NDE1: variants seen among roughly 807,000 people sequenced by gnomAD.
The protein encoded by NDE1 is nuclear distribution protein nudE homolog 1.
Under a neutral mutation model 43.4 loss-of-function variants are expected in NDE1, and 28 were observed. That is an observed-to-expected ratio of 0.65 (90% CI 0.48 to 0.89). The LOEUF (loss-of-function observed/expected upper bound fraction) is 0.89. NDE1 is among the 40% of genes least tolerant of loss of function. The probability of loss-of-function intolerance (pLI) is 0.00; values close to 1 mark genes in which losing one functional copy is unlikely to be tolerated. For missense variants in NDE1, 441 were observed against 434.1 expected, an observed-to-expected ratio of 1.02 and a Z score of -0.14; for synonymous variants, 184 against 172.0, an observed-to-expected ratio of 1.07 and a Z score of -0.55.
intron 5 of NDE1, among the ~76,000 whole-genome samples, chr16:15,690,327 T>G (rs1287021200): frequency 7.0e-6 from 1 of 143,486 alleles, no homozygotes; most frequent in African/African-American, 2.5e-5. Context: ...CTTGAGCCAG[T>G]GCAACTGGCC....
chr16:15,721,124 C>G, intron 8 of NDE1: 1 of 1,529,718 alleles, frequency 6.5e-7, no homozygotes, highest in Non-Finnish European at 9.0e-7. Flanking sequence ...CCACCGTGAG[C>G]GGCACCTCAG....
At chr16:15,695,761 T>C in intron 7 of NDE1, 1 of 952,896 alleles carries the variant, frequency 1.0e-6, no homozygotes, top group African/African-American at 1.8e-5. Context: ...GGCTGTCTGG[T>C]TTGCTATTCT....
intron 6 of NDE1, among the ~76,000 whole-genome samples, chr16:15,693,842 A>G (rs1177982532): frequency 2.6e-5 from 4 of 152,208 alleles, no homozygotes; most frequent in Admixed American, 6.5e-5. Context: ...CAAGAGGCCA[A>G]GGCAGGAGAA....
intron 7 of NDE1, among the ~76,000 whole-genome samples, chr16:15,695,143 C>T (rs2038947954): frequency 6.7e-6 from 1 of 149,624 alleles, no homozygotes; most frequent in Non-Finnish European, 1.5e-5. Context: ...GAGATTCCAA[C>T]ACTGCACTCC....
intron 8 of NDE1, among the ~76,000 whole-genome samples, chr16:15,705,395 G>T (rs1193454464): frequency 6.6e-6 from 1 of 152,186 alleles, no homozygotes; most frequent in East Asian, 1.9e-4. Context: ...TCACAGGAAG[G>T]GCTGGTCACG....
At chr16:15,715,342 G>T in intron 8 of NDE1, 3 of 1,467,484 alleles carry the variant, frequency 2.0e-6, no homozygotes, top group Non-Finnish European at 2.9e-6. Flanking sequence ...GTGTCACCTG[G>T]AGGTGGCATC....
rs1256416094 is a variant in NDE1 at position 15,720,250 on chromosome 16, T to C, written c.948-3941T>C. 1.2e-6 allele frequency: 2 copies of C among 1,614,180 alleles called. No individual in the cohort carries two copies. Among genetic ancestry groups the C allele is most frequent in the Non-Finnish European group, 1.7e-6 (2 of 1,180,022 alleles). ...TCAGGTCCCCTTCCAGCTTCTTCTTTGCTGCAGCTGCCAGGGCACGTTGCT... is the reference window on the plus strand; with the variant it reads ...TCAGGTCCCCTTCCAGCTTCTTCTTCGCTGCAGCTGCCAGGGCACGTTGCT... On this transcript the variant is annotated intron_variant, in intron 8 of 8. Coordinates refer to ENST00000396354, the MANE Select transcript of NDE1 (RefSeq NM_017668.3).
intron 8 of NDE1, among the ~76,000 whole-genome samples, chr16:15,698,759 G>C (rs1321988273): frequency 2.0e-5 from 3 of 151,882 alleles, no homozygotes; most frequent in Admixed American, 2.0e-4. Flanking sequence ...TGCTTGGGTG[G>C]CTGAGGCACA....
rs76890940 is a variant in NDE1, at chr16:15,721,494, G to C, written c.948-2697G>C. 1 of 1,614,198 alleles carries C rather than the reference G, an allele frequency of 6.2e-7. No individual in the cohort carries two copies. Among genetic ancestry groups the C allele is most frequent in the South Asian group, 1.1e-5 (1 of 91,088 alleles). On this transcript the variant is annotated intron_variant, in intron 8 of 8. Transcript: ENST00000396354. ...CTTTGAGCATTTTGTTGGTCCGCTCGAGTTCCTCTTTGGCTTCCAAGGCCT... is the reference window on the plus strand; with the variant it reads ...CTTTGAGCATTTTGTTGGTCCGCTCCAGTTCCTCTTTGGCTTCCAAGGCCT...
At chr16:15,652,867 T>A (rs887618843) in intron 1 of NDE1, among the ~76,000 whole-genome samples, 1 of 152,098 alleles carries the variant, frequency 6.6e-6, no homozygotes, top group East Asian at 1.9e-4. Flanking sequence ...GGTCTCACTA[T>A]GTTGCCCAGG....
At chr16:15,708,446 A>C (rs2039586779) in intron 8 of NDE1, among the ~76,000 whole-genome samples, 1 of 152,232 alleles carries the variant, frequency 6.6e-6, no homozygotes, top group Admixed American at 6.5e-5. Flanking sequence ...AGCACTGCTG[A>C]GTGCCCTAAC....
rs759033733 is a variant in NDE1 at position 15,717,203 on chromosome 16, G to A, written c.948-6988G>A. 1.1e-4 allele frequency: 184 copies of A among 1,614,078 alleles called. 1 individual carries two copies. Among genetic ancestry groups the A allele is most frequent in the Non-Finnish European group, 1.5e-4 (176 of 1,180,044 alleles). On this transcript the variant is annotated intron_variant, in intron 8 of 8. Transcript: ENST00000396354. ...CTTGGCCTCCAGCGCCGCGATGGTG[G>A]ACTTGAACTTGGACTTGACGGCCCC...
In NDE1 at chr16:15,714,139, C is replaced by T. The variant is rs183379522; in HGVS notation, c.948-10052C>T. 2.7e-3 allele frequency: 419 copies of T among 152,756 alleles called. 1 individual carries two copies. The highest frequency in any genetic ancestry group is 6.3e-3 in the Admixed American group (97 of 15,318). 9.5% of individuals were successfully genotyped at this position (152,756 alleles called of 1,614,324 possible). Reference sequence around the variant, plus strand: ...GGAGTGGTGTGGGAGACAGGAAGCCCGGAGCTAAAACCTCCTGGGAGCCAA... The same window carrying T: ...GGAGTGGTGTGGGAGACAGGAAGCCTGGAGCTAAAACCTCCTGGGAGCCAA... On this transcript the variant is annotated intron_variant, in intron 8 of 8. Coordinates refer to ENST00000396354, the MANE Select transcript of NDE1 (RefSeq NM_017668.3).
intron 3 of NDE1, among the ~76,000 whole-genome samples, chr16:15,676,128 TCTC>T (rs992223455): frequency 2.2e-4 from 33 of 150,822 alleles, no homozygotes; most frequent in Admixed American, 1.9e-3. Context: ...TCCCTTCCTC[TCTC>T]CTCTGTCTCC....
chr16:15,699,703 C>T (rs770446893), intron 8 of NDE1: 9 of 1,344,760 alleles, frequency 6.7e-6, no homozygotes, highest in Admixed American at 2.0e-5. Flanking sequence ...GTTATGTCAG[C>T]TTAATTTGGT....
intron 1 of NDE1, among the ~76,000 whole-genome samples, chr16:15,662,840 A>T (rs1340445254): frequency 6.6e-6 from 1 of 152,052 alleles, no homozygotes; most frequent in African/African-American, 2.4e-5. Flanking sequence ...TGGCCTGTCA[A>T]AGTGCTGGGA....
In NDE1 at chr16:15,685,180, A is replaced by G. The variant is rs536907284; in HGVS notation, c.387-2195A>G. 2.6e-5 allele frequency among the ~76,000 whole-genome samples: 4 copies of G among 152,318 alleles called. No individual in the cohort carries two copies. In the South Asian group the frequency reaches 8.3e-4, roughly 32 times the overall value. ...GTGAATATTTTATCTTTGATATGTCAACCTTAGGGCTGTTTTAACTGTTTC... is the reference window on the plus strand; with the variant it reads ...GTGAATATTTTATCTTTGATATGTCGACCTTAGGGCTGTTTTAACTGTTTC... On this transcript the variant is annotated intron_variant, in intron 4 of 8. Transcript: ENST00000396354.
Position 15,691,208 on chromosome 16 carries a change from A to C in NDE1, c.588A>C (p.Ser196=), listed in dbSNP as rs2038732598. 8 of 1,614,072 alleles carry C rather than the reference A, an allele frequency of 5.0e-6. No individual in the cohort carries two copies. The highest frequency in any genetic ancestry group is 4.2e-6 in the Non-Finnish European group (5 of 1,179,922). The stretch of plus-strand genomic sequence containing the variant: ...AACCCAGGACCCCCATGCCCAGCTC[A>C]GTGGAAGCTGAGAGGACAGACACAG... ...QEKPRTPMPS[S]VEAERTDTAV... The change falls in exon 6 of 9, where the codon TCA becomes TCC. Residue 196 remains serine, a synonymous_variant. Transcript: ENST00000396354.
chr16:15,699,471 G>A (rs1255958541), intron 8 of NDE1: 12 of 1,021,818 alleles, frequency 1.2e-5, no homozygotes, highest in African/African-American at 5.1e-5. Context: ...ACTATGTTGC[G>A]TAGGCTGTAA....
Sources: gnomAD v4.1 joint callset for allele counts (sites outside exome capture counted in the v4.1 genomes callset) on GRCh38, gnomAD v4.1.1 for gene constraint, MANE v1.5 for transcripts, NCBI Gene and HGNC (gene_info 2026-07-23, HGNC 2026-07-21) for gene names.